NUP98: variants seen among roughly 807,000 people sequenced by gnomAD.
NUP98 encodes nucleoporin 98 and 96 precursor, also known as nuclear pore complex protein Nup98-Nup96.
Under a neutral mutation model 191.9 loss-of-function variants are expected in NUP98, and 26 were observed. That is an observed-to-expected ratio of 0.14 (90% CI 0.10 to 0.19). The LOEUF (loss-of-function observed/expected upper bound fraction) is 0.19. Among genes scored for constraint, NUP98 ranks in the 10% least tolerant of loss-of-function variants. The pLI is 1.00. For synonymous variants in NUP98, 808 were observed against 778.4 expected (o/e 1.04, Z -0.63); for missense variants, 1,941 against 2,178.8 (o/e 0.89, Z 2.17).
At chr11:3,792,810 C>A (rs1198097625) in intron 1 of NUP98, among the ~76,000 whole-genome samples, 1 of 152,138 alleles carries the variant, frequency 6.6e-6, no homozygotes, top group Non-Finnish European at 1.5e-5. Flanking sequence ...AGATTCCATA[C>A]TGTAATGAAC....
intron 17 of NUP98, among the ~76,000 whole-genome samples, chr11:3,719,858 G>T (rs2079327756): frequency 6.7e-6 from 1 of 149,090 alleles, no homozygotes; most frequent in South Asian, 2.1e-4. Context: ...CTCCTAAACT[G>T]AAACAATCCT....
chr11:3,703,649 A>G (rs2078776056), intron 22 of NUP98, among the ~76,000 whole-genome samples: 1 of 151,982 alleles, frequency 6.6e-6, no homozygotes, highest in South Asian at 2.1e-4. Flanking sequence ...GTCTGGCACC[A>G]CTCCTCATGC....
rs955809773 is a variant in NUP98, at chr11:3,711,816, TAC to T, written c.2742+746_2742+747del. ...TCCCCTGTACGCGCAAACATGTATA[TAC>T]ACACATTCTCCAGAAATGCCTCCTA... On this transcript the variant is annotated intron_variant, in intron 20 of 32. Coordinates refer to ENST00000324932, the MANE Select transcript of NUP98 (RefSeq NM_016320.5). The T allele has an allele frequency of 1.2e-4, 126 of 1,023,880 alleles. No homozygotes were observed. The African/African-American group carries it at 2.1e-3, about 17-fold the overall frequency. 63.4% of individuals were successfully genotyped at this position (1,023,880 alleles called of 1,614,324 possible).
At chr11:3,711,383 C>T (rs1024871411) in intron 20 of NUP98, among the ~76,000 whole-genome samples, 2 of 152,086 alleles carry the variant, frequency 1.3e-5, no homozygotes, top group Non-Finnish European at 1.5e-5. Context: ...TATTTTTCTA[C>T]TATTTCTATT....
chr11:3,683,143 G>A, intron 30 of NUP98, 57 bp downstream of exon 30: 2 of 1,605,988 alleles, frequency 1.2e-6, no homozygotes, highest in Non-Finnish European at 1.7e-6. Flanking sequence ...CATCATGGAG[G>A]TTCAGAGGTT....
intron 12 of NUP98, among the ~76,000 whole-genome samples, chr11:3,743,731 G>A (rs1442273312): frequency 6.6e-6 from 1 of 151,558 alleles, no homozygotes; most frequent in African/African-American, 2.4e-5. Flanking sequence ...GCAAAGTCTG[G>A]AAGGTGGTAT....
chr11:3,721,011 A>T (rs1412395569), intron 16 of NUP98, 186 bp from the exon 17 acceptor site: 1 of 277,112 alleles, frequency 3.6e-6, no homozygotes, highest in Non-Finnish European at 6.3e-6. Flanking sequence ...TGTGTGTGAA[A>T]AGCTTCATGG....
At chr11:3,714,350 AAAT>A (rs1484184277) in intron 18 of NUP98, among the ~76,000 whole-genome samples, 6 of 152,194 alleles carry the variant, frequency 3.9e-5, no homozygotes, top group African/African-American at 1.4e-4. Flanking sequence ...CTACCGTACT[AAAT>A]AATAATAAAA....
chr11:3,717,190 T>G (rs2079215742), intron 18 of NUP98, among the ~76,000 whole-genome samples: 1 of 152,152 alleles, frequency 6.6e-6, no homozygotes, highest in African/African-American at 2.4e-5. Flanking sequence ...AGGTGGGGTT[T>G]CACCATGTTG....
chr11:3,751,440 G>A (rs1013405725), intron 11 of NUP98, among the ~76,000 whole-genome samples: 11 of 152,092 alleles, frequency 7.2e-5, no homozygotes, highest in Non-Finnish European at 1.0e-4. Context: ...AAACATGTCC[G>A]AAAAATGCAC....
Position 3,762,988 on chromosome 11 carries a change from C to T in NUP98, c.1000G>A (p.Ala334Thr). 1.2e-6 allele frequency: 2 copies of T among 1,614,124 alleles called. No individual in the cohort carries two copies. The highest frequency in any genetic ancestry group is 1.7e-6 in the Non-Finnish European group (2 of 1,180,012). ...GCTGTCCCAGTGCTGGTGTTTGTAG[C>T]TGTCCCAAAAAGACCTCCAGGCTGT... Reference protein sequence around the residue: ...ASQPGGLFGTATNTSTGTAFG... With the variant: ...ASQPGGLFGTTTNTSTGTAFG... The change falls in exon 9 of 33, where the codon GCT (alanine) becomes ACT (threonine). Residue 334 changes from alanine (A) to threonine (T), a missense_variant. By Grantham distance (58) the Ala-to-Thr change is moderately conservative. Coordinates refer to ENST00000324932, the MANE Select transcript of NUP98 (RefSeq NM_016320.5).
chr11:3,723,922 G>A (rs1464481154), intron 15 of NUP98, among the ~76,000 whole-genome samples: 1 of 150,548 alleles, frequency 6.6e-6, no homozygotes, highest in Non-Finnish European at 1.5e-5. Context: ...ACTGTTTTGA[G>A]TACAGGAATA....
chr11:3,751,044 A>G (rs973921666), intron 11 of NUP98, among the ~76,000 whole-genome samples: 6 of 151,926 alleles, frequency 3.9e-5, no homozygotes, highest in Admixed American at 1.3e-4. Flanking sequence ...TCACTCATAC[A>G]GGGTGTAGTT....
intron 11 of NUP98, among the ~76,000 whole-genome samples, chr11:3,747,346 CTA>C (rs2080545328): frequency 6.6e-6 from 1 of 152,118 alleles, no homozygotes; most frequent in Non-Finnish European, 1.5e-5. Flanking sequence ...AAAGATTTTT[CTA>C]TGTCTCTCTT....
At chr11:3,695,864 T>C (rs1486146458) in intron 25 of NUP98, among the ~76,000 whole-genome samples, 1 of 152,078 alleles carries the variant, frequency 6.6e-6, no homozygotes, top group Non-Finnish European at 1.5e-5. Flanking sequence ...TACCACTACT[T>C]CTGTGATACT....
chr11:3,781,185 CAAAA>C (rs34704470), intron 2 of NUP98, among the ~76,000 whole-genome samples: 2 of 69,034 alleles, frequency 2.9e-5, no homozygotes, highest in East Asian at 4.3e-4. Context: ...GATCCTATCT[CAAAA>C]AAAAAAAAAA....
chr11:3,753,241 A>ACAGATCT, intron 11 of NUP98, 75 bp downstream of exon 11: 3 of 1,233,880 alleles, frequency 2.4e-6, no homozygotes, highest in Non-Finnish European at 3.6e-6. Context: ...ACATAATCAA[A>ACAGATCT]CAGATCTCTC....
rs561826493 is a variant in NUP98 at position 3,749,321 on chromosome 11, A to T, written c.1267+3995T>A. Among the ~76,000 whole-genome samples the T allele has an allele frequency of 8.2e-4, 125 of 151,516 alleles. 1 individual carries two copies. Among genetic ancestry groups the T allele is most frequent in the East Asian group, 6.0e-3 (31 of 5,148 alleles). On this transcript the variant is annotated intron_variant, in intron 11 of 32. Coordinates refer to ENST00000324932, the MANE Select transcript of NUP98 (RefSeq NM_016320.5). ...CAGAGCGAGACTCCGTCTCAAAAAA[A>T]AAATAAATAAATAAATTAAGAGGCC...
At chr11:3,688,634 A>C (rs184715956) in intron 28 of NUP98, among the ~76,000 whole-genome samples, 65 of 150,306 alleles carry the variant, frequency 4.3e-4, no homozygotes, top group African/African-American at 1.5e-3. Context: ...ATTTCTACTA[A>C]AAATACAAAA....
Sources: allele counts gnomAD v4.1 joint callset (sites outside exome capture counted in the v4.1 genomes callset), GRCh38; gene constraint gnomAD v4.1.1; transcripts MANE v1.5; gene names NCBI Gene and HGNC (gene_info 2026-07-23, HGNC 2026-07-21).